Variants in GMDS observed in about 807,000 individuals in gnomAD.
The protein encoded by GMDS is GDP-mannose 4,6-dehydratase.
Under a neutral mutation model 49.9 loss-of-function variants are expected in GMDS, and 20 were observed. The observed-to-expected ratio is 0.40, with a 90% confidence interval of 0.28 to 0.58. GMDS has a LOEUF of 0.58. Among genes scored for constraint, GMDS ranks in the 20% least tolerant of loss-of-function variants. GMDS has a pLI of 0.42. For synonymous variants in GMDS, 177 were observed against 178.6 expected (o/e 0.99, Z 0.07); for missense variants, 362 against 481.4 (o/e 0.75, Z 2.32).
chr6:2,234,584 G>A (rs1489488680), intron 1 of GMDS, among the ~76,000 whole-genome samples: 2 of 151,974 alleles, frequency 1.3e-5, no homozygotes, highest in South Asian at 4.2e-4. Flanking sequence ...ACTCCAGCCT[G>A]GGCAATAAGA....
chr6:1,663,755 C>T (rs984979062), intron 9 of GMDS, among the ~76,000 whole-genome samples: 1 of 152,122 alleles, frequency 6.6e-6, no homozygotes. Flanking sequence ...GTGTGCCCTG[C>T]TCCCTCATTT....
At chr6:2,153,886 T>C (rs1776971482) in intron 1 of GMDS, among the ~76,000 whole-genome samples, 1 of 152,106 alleles carries the variant, frequency 6.6e-6, no homozygotes. Flanking sequence ...GAATATAACG[T>C]TTACAGAAAT....
Position 1,640,317 on chromosome 6 carries a change from A to G in GMDS, c.988-15777T>C, listed in dbSNP as rs2569862. Among the ~76,000 whole-genome samples the G allele has an allele frequency of 0.57, 86,367 of 152,030 alleles. 25,014 individuals carry two copies. The highest frequency in any genetic ancestry group is 0.8 in the East Asian group (4,141 of 5,166). On this transcript the variant is annotated intron_variant, in intron 9 of 10. Transcript: ENST00000380815. The surrounding 1 kb of genome is among the most constrained non-coding windows in gnomAD (Gnocchi z 4.0). ...AAGCACATGGGATTTAGGGTCACAG[A>G]GACTTAGGTTGACACTAGATTCACC...
intron 1 of GMDS, among the ~76,000 whole-genome samples, chr6:2,163,531 G>C (rs1777513975): frequency 6.6e-6 from 1 of 152,140 alleles, no homozygotes. Context: ...TGTAGACCCA[G>C]GAGAGCCAAT....
intron 2 of GMDS, 54 bp downstream of exon 2, chr6:2,124,633 G>A (rs1220953838): frequency 5.9e-6 from 8 of 1,352,620 alleles, no homozygotes; most frequent in South Asian, 1.2e-5. Flanking sequence ...GCATGTGGCC[G>A]CTGCATGCGA....
At chr6:2,037,616 T>C (rs1034754510) in intron 4 of GMDS, among the ~76,000 whole-genome samples, 6 of 152,230 alleles carry the variant, frequency 3.9e-5, no homozygotes, top group African/African-American at 1.2e-4. Flanking sequence ...GTCTACGTCA[T>C]AGTTCACCTC....
At chr6:1,694,410 G>A (rs1261140461) in intron 9 of GMDS, among the ~76,000 whole-genome samples, 1 of 152,228 alleles carries the variant, frequency 6.6e-6, no homozygotes, top group Non-Finnish European at 1.5e-5. Flanking sequence ...CTAAAAGGTA[G>A]TCATTGTGGT....
At chr6:2,230,794 T>A (rs1488050757) in intron 1 of GMDS, among the ~76,000 whole-genome samples, 1 of 152,096 alleles carries the variant, frequency 6.6e-6, no homozygotes, top group South Asian at 2.1e-4. Flanking sequence ...TTTCTCCTTT[T>A]CAAGGTTTAT....
intron 4 of GMDS, among the ~76,000 whole-genome samples, chr6:1,993,600 T>C (rs572675548): frequency 6.3e-4 from 96 of 152,302 alleles, no homozygotes; most frequent in African/African-American, 2.2e-3. Context: ...TCTGTTTCTA[T>C]CTCTTCAGGG....
intron 4 of GMDS, among the ~76,000 whole-genome samples, chr6:1,982,368 G>A (rs1157243197): frequency 6.6e-6 from 1 of 152,138 alleles, no homozygotes; most frequent in Non-Finnish European, 1.5e-5. Context: ...AACATATATT[G>A]GAAGTTCTGG....
intron 7 of GMDS, among the ~76,000 whole-genome samples, chr6:1,925,644 A>C (rs1761959250): frequency 6.6e-6 from 1 of 152,218 alleles, no homozygotes; most frequent in Admixed American, 6.5e-5. Context: ...ACAAGTAAAA[A>C]AGTGTCAGTC....
At chr6:1,905,530 G>C (rs561649551) in intron 7 of GMDS, among the ~76,000 whole-genome samples, 1 of 136,890 alleles carries the variant, frequency 7.3e-6, no homozygotes, top group African/African-American at 2.8e-5. Flanking sequence ...GGGTGCTGGC[G>C]TGTAGGTTGG....
intron 7 of GMDS, among the ~76,000 whole-genome samples, chr6:1,743,895 A>G (rs781131200): frequency 6.6e-6 from 1 of 152,224 alleles, no homozygotes; most frequent in Admixed American, 6.5e-5. Context: ...TCAAAATAAA[A>G]TAGGTAAAAA....
At chr6:1,772,424 A>T (rs1478276123) in intron 7 of GMDS, among the ~76,000 whole-genome samples, 1 of 152,224 alleles carries the variant, frequency 6.6e-6, no homozygotes, top group Non-Finnish European at 1.5e-5. Context: ...TAAAGAGAAA[A>T]GGCAAGTTTC....
chr6:2,238,866 CAA>C (rs1781488291), intron 1 of GMDS, among the ~76,000 whole-genome samples: 1 of 152,042 alleles, frequency 6.6e-6, no homozygotes, highest in African/African-American at 2.4e-5. Context: ...CGTTCCTCAC[CAA>C]AAAGTCACTT....
At chr6:1,879,836 T>C (rs775985231) in intron 7 of GMDS, among the ~76,000 whole-genome samples, 32 of 152,162 alleles carry the variant, frequency 2.1e-4, no homozygotes, top group African/African-American at 5.5e-4. Context: ...ACCTCAGAGA[T>C]AGTACAGCCT....
intron 7 of GMDS, among the ~76,000 whole-genome samples, chr6:1,752,660 G>T (rs565543676): frequency 6.6e-6 from 1 of 152,168 alleles, no homozygotes; most frequent in Non-Finnish European, 1.5e-5. Context: ...CTCACAAAGG[G>T]AAGCCCATCA....
chr6:2,124,552 T>C, intron 2 of GMDS, 135 bp downstream of exon 2: 1 of 737,212 alleles, frequency 1.4e-6, no homozygotes, highest in Non-Finnish European at 2.4e-6. Context: ...AAAGACACAT[T>C]CTTCCCCGGA....
intron 9 of GMDS, among the ~76,000 whole-genome samples, chr6:1,687,368 A>G (rs1294317588): frequency 1.3e-5 from 2 of 152,182 alleles, no homozygotes; most frequent in East Asian, 3.8e-4. Context: ...GGGGAGGAGG[A>G]TGAGGCCAAT....
Sources: allele counts gnomAD v4.1 joint callset (sites outside exome capture counted in the v4.1 genomes callset), GRCh38; gene constraint gnomAD v4.1.1; non-coding constraint Gnocchi (gnomAD v3.1); transcripts MANE v1.5; gene names NCBI Gene and HGNC (gene_info 2026-07-23, HGNC 2026-07-21).